The following C14orf132 variants were observed in gnomAD, a reference collection of about 807,000 sequenced individuals.
C14orf132 encodes the protein chromosome 14 open reading frame 132, also known as uncharacterized protein C14orf132.
C14orf132 carries 6 observed loss-of-function variants against 5.8 expected under a neutral mutation model. That is an observed-to-expected ratio of 1.03 (90% CI 0.57 to 2.04). C14orf132 has a LOEUF of 2.04. Ranked by LOEUF, C14orf132 falls within the 30% of genes most tolerant of loss-of-function variation. The pLI is 0.00. For synonymous variants in C14orf132, 51 were observed against 49.8 expected (o/e 1.02, Z -0.10); for missense variants, 125 against 115.8 (o/e 1.08, Z -0.37).
intron 1 of C14orf132, among the ~76,000 whole-genome samples, chr14:96,049,808 T>C (rs1348354499): frequency 6.7e-6 from 1 of 150,020 alleles, no homozygotes; most frequent in Non-Finnish European, 1.5e-5. Context: ...TTTATTTGGA[T>C]AGTTATTATT....
chr14:96,074,347 G>A (rs1443829278), intron 1 of C14orf132, among the ~76,000 whole-genome samples: 1 of 152,078 alleles, frequency 6.6e-6, no homozygotes, highest in South Asian at 2.1e-4. Flanking sequence ...TGTTTTTCAT[G>A]GAGAAAATGT....
intron 1 of C14orf132, among the ~76,000 whole-genome samples, chr14:96,086,091 T>G (rs1424164360): frequency 6.6e-6 from 1 of 152,178 alleles, no homozygotes; most frequent in Non-Finnish European, 1.5e-5. Context: ...TTCTCATTTT[T>G]TATCCTGTTT....
Position 96,093,856 on chromosome 14 carries a change from T to C in C14orf132, c.*7121T>C, listed in dbSNP as rs1888497658. Reference sequence around the variant, plus strand: ...TTGCTGCTGTTGTCATTTTCTATTATGATAACTGAAAAGAGAAAAGAAGAA... The same window carrying C: ...TTGCTGCTGTTGTCATTTTCTATTACGATAACTGAAAAGAGAAAAGAAGAA... On this transcript the variant is annotated 3_prime_UTR_variant, in exon 2 of 2. Transcript: ENST00000555004. 1 of 152,260 alleles carries C rather than the reference T, an allele frequency of 6.6e-6. No homozygotes were observed. The highest frequency in any genetic ancestry group is 6.5e-5 in the Admixed American group (1 of 15,288). 9.4% of individuals were successfully genotyped at this position (152,260 alleles called of 1,614,324 possible). A position where few individuals can be genotyped will look rare whatever the true frequency, so the allele number is the denominator to read the frequency against.
In C14orf132 at chr14:96,090,635, C is replaced by T. The variant is rs1186674579; in HGVS notation, c.*3900C>T. On this transcript the variant is annotated 3_prime_UTR_variant, in exon 2 of 2. Coordinates refer to ENST00000555004, the MANE Select transcript of C14orf132 (RefSeq NM_001252507.3). ...CAAGAGGCAAATAAGACTCCCTGCT[C>T]CACTCTACCCCCCAGAGAGAAATGA... 1.1e-5 allele frequency: 5 copies of T among 455,940 alleles called. No homozygotes were observed. In the East Asian group the frequency reaches 2.1e-4, roughly 19 times the overall value. The allele number at this position is 455,940 out of a possible 1,614,324, so 28.2% of individuals were successfully genotyped here. A position where few individuals can be genotyped will look rare whatever the true frequency, so the allele number is the denominator to read the frequency against.
Position 96,093,319 on chromosome 14 carries a change from C to T in C14orf132, c.*6584C>T, listed in dbSNP as rs1888476997. ...CCTTAACTTTGTGTCTCTGGGACCT[C>T]CAGGGACCTGGCCCCTCACCAATGC... is the stretch of plus-strand genomic sequence containing the variant. On this transcript the variant is annotated 3_prime_UTR_variant, in exon 2 of 2. Transcript: ENST00000555004. 6.6e-6 allele frequency: 1 copy of T among 152,194 alleles called. No individual in the cohort carries two copies. The highest frequency in any genetic ancestry group is 2.1e-4 in the South Asian group (1 of 4,812). The allele number at this position is 152,194 out of a possible 1,614,324, so 9.4% of individuals were successfully genotyped here. A position where few individuals can be genotyped will look rare whatever the true frequency, so the allele number is the denominator to read the frequency against.
At chr14:96,083,679 C>T (rs1024091030) in intron 1 of C14orf132, among the ~76,000 whole-genome samples, 1 of 152,224 alleles carries the variant, frequency 6.6e-6, no homozygotes, top group African/African-American at 2.4e-5. Context: ...AACAGATTGT[C>T]CCCTAGAGCC....
chr14:96,085,062 C>T (rs1461653505), intron 1 of C14orf132, among the ~76,000 whole-genome samples: 1 of 152,224 alleles, frequency 6.6e-6, no homozygotes, highest in African/African-American at 2.4e-5. Flanking sequence ...CACAGTCAGA[C>T]ACTCGTGGCA....
intron 1 of C14orf132, among the ~76,000 whole-genome samples, chr14:96,060,974 T>C (rs950249119): frequency 1.3e-5 from 2 of 152,160 alleles, no homozygotes; most frequent in Admixed American, 1.3e-4. Context: ...TTCTCAAGTT[T>C]GAAAAAGTCC....
chr14:96,052,943 G>A (rs1035207673), intron 1 of C14orf132, among the ~76,000 whole-genome samples: 6 of 152,150 alleles, frequency 3.9e-5, no homozygotes, highest in Non-Finnish European at 5.9e-5. Context: ...GGAGAGGGCT[G>A]ACCCCTTTAA....
At position 96,043,661 on chromosome 14, in the gene C14orf132, G is replaced by A. The variant is rs145674264; in HGVS notation, c.27+4134G>A. On this transcript the variant is annotated intron_variant, in intron 1 of 1. Transcript: ENST00000555004. ...TTGCATTCCCCAGCTGATCCCAGTG[G>A]TCAATGAAGGGTGAGACTCAGAGTG... Among the ~76,000 whole-genome samples, 1,073 of 152,208 alleles carry A rather than the reference G, an allele frequency of 7.0e-3. 6 individuals are homozygous for A. The highest frequency in any genetic ancestry group is 0.012 in the Non-Finnish European group (817 of 67,990).
At chr14:96,069,533 G>C (rs1887643491) in intron 1 of C14orf132, among the ~76,000 whole-genome samples, 1 of 152,046 alleles carries the variant, frequency 6.6e-6, no homozygotes, top group Admixed American at 6.5e-5. Context: ...TGATTAGCCA[G>C]GGCAGGCATG....
At chr14:96,047,194 G>A (rs145938303) in intron 1 of C14orf132, among the ~76,000 whole-genome samples, 342 of 152,274 alleles carry the variant, frequency 2.2e-3, no homozygotes, top group Middle Eastern at 6.8e-3. Context: ...TCAGGAGAGG[G>A]TATAAGGCCA....
intron 1 of C14orf132, among the ~76,000 whole-genome samples, chr14:96,056,316 G>A (rs558273558): frequency 1.3e-5 from 2 of 152,064 alleles, no homozygotes; most frequent in East Asian, 1.9e-4. Context: ...TGCCCAGGGC[G>A]GCCTGCAAGG....
intron 1 of C14orf132, among the ~76,000 whole-genome samples, chr14:96,066,969 A>T (rs1887551520): frequency 6.6e-6 from 1 of 152,182 alleles, no homozygotes; most frequent in Admixed American, 6.5e-5. Context: ...TCAATTACGT[A>T]TGGGCTGTGC....
chr14:96,072,590 T>C (rs8010556), intron 1 of C14orf132, among the ~76,000 whole-genome samples: 8,238 of 152,312 alleles, frequency 0.054, 213 homozygotes, highest in African/African-American at 0.067. Context: ...CCTGTGACCA[T>C]GACCACAATA....
At chr14:96,048,651 G>A (rs938907590) in intron 1 of C14orf132, among the ~76,000 whole-genome samples, 8 of 151,946 alleles carry the variant, frequency 5.3e-5, no homozygotes, top group East Asian at 3.9e-4. Context: ...TCAGCCTCCC[G>A]AATAGACGGG....
In C14orf132 at chr14:96,075,486, C is replaced by T. The variant is rs934442413; in HGVS notation, c.28-11025C>T. ...GGAGTGGTGAGGTTAGACATCCTCT[C>T]GTATTCCTAGATCGTAGAGGGAAGC... On this transcript the variant is annotated intron_variant, in intron 1 of 1. Transcript: ENST00000555004. 9.2e-5 allele frequency among the ~76,000 whole-genome samples: 14 copies of T among 152,222 alleles called. No homozygotes were observed. In the Middle Eastern group the frequency reaches 0.01, roughly 111 times the overall value.
chr14:96,080,698 T>C (rs2181642), intron 1 of C14orf132, among the ~76,000 whole-genome samples: 91,882 of 151,966 alleles, frequency 0.6, 28,272 homozygotes, highest in East Asian at 0.9. Context: ...TGGAGACTGT[T>C]GGGAAGGCAG....
chr14:96,077,912 A>G (rs1007661811), intron 1 of C14orf132, among the ~76,000 whole-genome samples: 7 of 152,228 alleles, frequency 4.6e-5, no homozygotes, highest in Admixed American at 1.3e-4. Flanking sequence ...TCTTTTGTGC[A>G]TGCAGTTTGG....
Sources: gnomAD v4.1 joint callset for allele counts (sites outside exome capture counted in the v4.1 genomes callset) on GRCh38, gnomAD v4.1.1 for gene constraint, MANE v1.5 for transcripts, NCBI Gene and HGNC (gene_info 2026-07-23, HGNC 2026-07-21) for gene names.